Variants in SCAI observed in about 807,000 individuals in gnomAD.
The protein encoded by SCAI is protein SCAI.
A neutral mutation model predicts 92.2 loss-of-function variants in SCAI; 24 were observed. The observed-to-expected ratio is 0.26, with a 90% CI of 0.19 to 0.37. SCAI has a LOEUF of 0.37. Among genes scored for constraint, SCAI ranks in the 10% least tolerant of loss-of-function variants. The pLI, the probability that SCAI is intolerant of heterozygous loss-of-function variation, is 1.00. For missense variants in SCAI, 450 were observed against 736.2 expected, an observed-to-expected ratio of 0.61 and a Z score of 4.50; for synonymous variants, 261 against 258.6, an observed-to-expected ratio of 1.01 and a Z score of -0.09.
intron 3 of SCAI, among the ~76,000 whole-genome samples, chr9:125,034,271 C>CT (rs749185908): frequency 6.6e-6 from 1 of 152,150 alleles, no homozygotes; most frequent in Admixed American, 6.6e-5. Context: ...TTGGAGCAGC[C>CT]TATAAATGTT....
chr9:125,079,659 C>T (rs1205082205), intron 2 of SCAI, among the ~76,000 whole-genome samples: 4 of 152,000 alleles, frequency 2.6e-5, no homozygotes, highest in Admixed American at 6.6e-5. Flanking sequence ...AATGACACTA[C>T]TATCCTGTTG....
In SCAI at chr9:125,042,857, G is replaced by GGTTTT. The variant is rs1564390540; in HGVS notation, c.230+13018_230+13019insAAAAC. Among the ~76,000 whole-genome samples, 45 of 115,900 alleles carry GGTTTT rather than the reference G, an allele frequency of 3.9e-4. 2 individuals carry two copies. The highest frequency in any genetic ancestry group is 3.1e-3 in the Admixed American group (28 of 9,050). 76.0% of individuals were successfully genotyped at this position (115,900 alleles called of 152,430 possible). On this transcript the variant is annotated intron_variant, in intron 3 of 17. Transcript: ENST00000336505. ...TTCTGGGACCACATTCTGCTCCCTG[G>GGTTTT]CTTTTTTTTTTTTTTTTTTTTTTTT...
At chr9:125,139,421 A>G (rs951511811) in intron 2 of SCAI, among the ~76,000 whole-genome samples, 1 of 151,770 alleles carries the variant, frequency 6.6e-6, no homozygotes, top group African/African-American at 2.4e-5. Flanking sequence ...CAACAACAAC[A>G]ACAACAAAAA....
chr9:125,000,017 G>A (rs767014167), intron 12 of SCAI, 27 bp from the exon 13 acceptor site: 3 of 1,136,310 alleles, frequency 2.6e-6, no homozygotes, highest in Non-Finnish European at 3.9e-6. Context: ...AAGAATCCTA[G>A]ACTTCAGTTG....
intron 2 of SCAI, among the ~76,000 whole-genome samples, chr9:125,125,879 TTCTC>T (rs372611613): frequency 2.2e-5 from 3 of 138,182 alleles, no homozygotes; most frequent in African/African-American, 8.2e-5. Flanking sequence ...CACACACATA[TTCTC>T]TCTCTCATGC....
intron 2 of SCAI, among the ~76,000 whole-genome samples, chr9:125,103,641 T>C (rs563672018): frequency 3.8e-4 from 58 of 152,304 alleles, no homozygotes; most frequent in Middle Eastern, 6.8e-3. Context: ...AGCTAGTAAA[T>C]TGTAAATCTA....
intron 2 of SCAI, among the ~76,000 whole-genome samples, chr9:125,114,070 G>T (rs949264486): frequency 6.6e-6 from 1 of 152,166 alleles, no homozygotes; most frequent in Non-Finnish European, 1.5e-5. Context: ...GTGCCTTGGG[G>T]TATCACATCA....
chr9:125,040,671 G>A (rs1354988006), intron 3 of SCAI, among the ~76,000 whole-genome samples: 5 of 152,066 alleles, frequency 3.3e-5, no homozygotes, highest in Non-Finnish European at 7.4e-5. Context: ...CTGTCACCCA[G>A]GTTGGAGTGC....
At chr9:125,040,584 CTGA>C (rs1385631156) in intron 3 of SCAI, among the ~76,000 whole-genome samples, 3 of 151,906 alleles carry the variant, frequency 2.0e-5, no homozygotes, top group Non-Finnish European at 4.4e-5. Context: ...CAATATCTTC[CTGA>C]TGAACATTTA....
intron 3 of SCAI, among the ~76,000 whole-genome samples, chr9:125,044,838 C>T (rs1287212902): frequency 6.6e-6 from 1 of 152,210 alleles, no homozygotes; most frequent in East Asian, 1.9e-4. Flanking sequence ...CTGGGCACCA[C>T]CACCATGTTC....
At chr9:124,963,318 T>G (rs1412453926) in intron 17 of SCAI, among the ~76,000 whole-genome samples, 1 of 151,138 alleles carries the variant, frequency 6.6e-6, no homozygotes, top group Non-Finnish European at 1.5e-5. Flanking sequence ...GTATTTTTAG[T>G]AGAGACGGGG....
At chr9:125,077,705 C>A (rs1834119812) in intron 2 of SCAI, among the ~76,000 whole-genome samples, 1 of 147,956 alleles carries the variant, frequency 6.8e-6, no homozygotes, top group Admixed American at 6.8e-5. Flanking sequence ...TACTCAGATA[C>A]TTGACATTTA....
At chr9:125,009,695 C>G (rs1206092161) in intron 9 of SCAI, among the ~76,000 whole-genome samples, 1 of 151,012 alleles carries the variant, frequency 6.6e-6, no homozygotes, top group African/African-American at 2.4e-5. Flanking sequence ...TTGAGACCAG[C>G]CTGGCCAACA....
chr9:125,130,603 T>C (rs1164422438), intron 2 of SCAI, among the ~76,000 whole-genome samples: 1 of 151,866 alleles, frequency 6.6e-6, no homozygotes, highest in Non-Finnish European at 1.5e-5. Context: ...AACCTCTACC[T>C]CCCGGGTTGG....
chr9:124,951,093 C>G lies in SCAI; in HGVS notation c.*1714G>C, dbSNP rs1831229054. 1 of 150,408 alleles carries G rather than the reference C, an allele frequency of 6.6e-6. No individual in the cohort carries two copies. Among genetic ancestry groups the G allele is most frequent in the Non-Finnish European group, 1.5e-5 (1 of 68,064 alleles). The allele number at this position is 150,408 out of a possible 1,614,324, so 9.3% of individuals were successfully genotyped here. On this transcript the variant is annotated 3_prime_UTR_variant, in exon 18 of 18. Coordinates refer to ENST00000336505, the MANE Select transcript of SCAI (RefSeq NM_001144877.3). ...AAAAAAAAAAAAGTAAAATACTCCC[C>G]AAGTCCCCAAACCCCAAAAACAGTA...
chr9:125,025,946 G>A (rs573658246), intron 6 of SCAI, among the ~76,000 whole-genome samples: 10 of 152,238 alleles, frequency 6.6e-5, no homozygotes, highest in African/African-American at 2.4e-4. Context: ...TGTGTTGCTG[G>A]GGTAGAGAGA....
intron 2 of SCAI, among the ~76,000 whole-genome samples, chr9:125,060,524 C>T (rs1188717266): frequency 2.0e-5 from 3 of 152,158 alleles, no homozygotes; most frequent in Admixed American, 1.3e-4. Context: ...GTTTGGCCCA[C>T]CCAAATCTCA....
At chr9:125,031,416 C>G (rs1295494781) in intron 3 of SCAI, among the ~76,000 whole-genome samples, 2 of 152,070 alleles carry the variant, frequency 1.3e-5, no homozygotes, top group Non-Finnish European at 2.9e-5. Context: ...TGCCTGCCAC[C>G]ACGCCCGGCT....
chr9:125,077,970 C>CG (rs987322468), intron 2 of SCAI, among the ~76,000 whole-genome samples: 3 of 151,990 alleles, frequency 2.0e-5, no homozygotes, highest in East Asian at 1.9e-4. Flanking sequence ...CCACACCCCC[C>CG]CCGCCTCCCA....
Sources: allele counts gnomAD v4.1 joint callset (sites outside exome capture counted in the v4.1 genomes callset), GRCh38; gene constraint gnomAD v4.1.1; transcripts MANE v1.5; gene names NCBI Gene and HGNC (gene_info 2026-07-23, HGNC 2026-07-21).